Variants in PUM2 observed in about 807,000 individuals in gnomAD.
PUM2 encodes pumilio homolog 2.
PUM2 carries 57 observed loss-of-function variants against 124.5 expected under a neutral mutation model. That is an observed-to-expected ratio of 0.46 (90% CI 0.37 to 0.57). The LOEUF (loss-of-function observed/expected upper bound fraction) is 0.57, where lower values mean the gene tolerates loss of function less well. PUM2 is among the 20% of genes least tolerant of loss of function. PUM2 has a pLI of 0.00. For missense variants in PUM2, 1,065 were observed against 1,290.6 expected, an observed-to-expected ratio of 0.83 and a Z score of 2.68; for synonymous variants, 460 against 446.1, an observed-to-expected ratio of 1.03 and a Z score of -0.39.
intron 13 of PUM2, among the ~76,000 whole-genome samples, chr2:20,278,304 A>G (rs1572672956): frequency 6.6e-6 from 1 of 152,114 alleles, no homozygotes; most frequent in East Asian, 1.9e-4. Flanking sequence ...CAGATGCTCT[A>G]AAACACACAA....
intron 3 of PUM2, among the ~76,000 whole-genome samples, chr2:20,317,620 CAG>C (rs1681293950): frequency 6.6e-6 from 1 of 151,990 alleles, no homozygotes; most frequent in African/African-American, 2.4e-5. Flanking sequence ...ATTCATGTCA[CAG>C]GGGTTTGGTG....
At chr2:20,332,759 T>C (rs556818294) in intron 1 of PUM2, among the ~76,000 whole-genome samples, 15 of 152,308 alleles carry the variant, frequency 9.8e-5, no homozygotes, top group African/African-American at 3.6e-4. Context: ...TGATTAAATC[T>C]TAGGGAGGAA....
upstream of PUM2, among the ~76,000 whole-genome samples, chr2:20,351,155 C>A (rs1164214901): frequency 6.6e-6 from 1 of 152,204 alleles, no homozygotes; most frequent in Admixed American, 6.5e-5. Context: ...GGGGCCTCGC[C>A]TTCTGAATCT....
chr2:20,254,730 T>C (rs1393183981), intron 19 of PUM2, 133 bp downstream of exon 19: 27 of 935,226 alleles, frequency 2.9e-5, no homozygotes, highest in Non-Finnish European at 3.6e-5. Context: ...CAATGTTCTA[T>C]AGGTGCATTT....
intron 2 of PUM2, among the ~76,000 whole-genome samples, chr2:20,324,914 T>C (rs917040517): frequency 6.7e-6 from 1 of 149,388 alleles, no homozygotes; most frequent in African/African-American, 2.5e-5. Flanking sequence ...ACAAGGGTAA[T>C]CTATTTTAAA....
intron 1 of PUM2, among the ~76,000 whole-genome samples, chr2:20,346,900 G>C (rs990371076): frequency 6.6e-6 from 1 of 152,168 alleles, no homozygotes; most frequent in Non-Finnish European, 1.5e-5. Context: ...GCTCCAAATA[G>C]GTGATGACTA....
rs1666825672 is a variant in PUM2, at chr2:20,263,611, A to G, written c.1958-151T>C. 12 of 861,084 alleles carry G rather than the reference A, an allele frequency of 1.4e-5. No homozygotes were observed. The South Asian group carries it at 2.2e-4, about 16-fold the overall frequency. 53.3% of individuals were successfully genotyped at this position (861,084 alleles called of 1,614,324 possible). A position where few individuals can be genotyped will look rare whatever the true frequency, so the allele number is the denominator to read the frequency against. On this transcript the variant is annotated intron_variant, in intron 13 of 20. Coordinates refer to ENST00000361078, the MANE Select transcript of PUM2 (RefSeq NM_015317.5). ...CAGAAAATTAAAATTGGGAGGGGAA[A>G]ATCTCACCCATATACCTCATGTATG...
At chr2:20,265,919 C>G (rs1047933704) in intron 13 of PUM2, among the ~76,000 whole-genome samples, 4 of 152,132 alleles carry the variant, frequency 2.6e-5, no homozygotes, top group African/African-American at 9.7e-5. Flanking sequence ...CGTACTCACC[C>G]CAGGAAATGA....
intron 3 of PUM2, among the ~76,000 whole-genome samples, chr2:20,317,862 T>C (rs2148707479): frequency 6.6e-6 from 1 of 152,266 alleles, no homozygotes; most frequent in East Asian, 1.9e-4. Flanking sequence ...GCAAAGGACA[T>C]TATCTCAATC....
intron 3 of PUM2, among the ~76,000 whole-genome samples, chr2:20,313,114 G>C (rs976162112): frequency 6.6e-6 from 1 of 152,178 alleles, no homozygotes; most frequent in African/African-American, 2.4e-5. Flanking sequence ...AAAAACCCTA[G>C]AAGGAAACCT....
At chr2:20,276,824 G>A (rs1411932435) in intron 13 of PUM2, among the ~76,000 whole-genome samples, 1 of 152,018 alleles carries the variant, frequency 6.6e-6, no homozygotes, top group African/African-American at 2.4e-5. Flanking sequence ...ACAGGTAATT[G>A]CTAATTCCAA....
intron 7 of PUM2, among the ~76,000 whole-genome samples, chr2:20,302,112 T>G (rs981813457): frequency 1.3e-5 from 2 of 152,232 alleles, no homozygotes; most frequent in African/African-American, 4.8e-5. Flanking sequence ...CTCACTATGT[T>G]GCAGAGTTCA....
rs1388557476 is a variant in PUM2, at chr2:20,281,374, A to C, written c.1720+1573T>G. Among the ~76,000 whole-genome samples the C allele has an allele frequency of 2.6e-5, 4 of 152,186 alleles. No homozygotes were observed. In the East Asian group the frequency reaches 7.7e-4, roughly 29 times the overall value. ...GGGAAAACAGCCTTAACTAAGAAACAAATGGAAATTTGAAAGAATTGAGTA... is the reference window on the plus strand; with the variant it reads ...GGGAAAACAGCCTTAACTAAGAAACCAATGGAAATTTGAAAGAATTGAGTA... On this transcript the variant is annotated intron_variant, in intron 12 of 20. Transcript: ENST00000361078.
intron 12 of PUM2, among the ~76,000 whole-genome samples, chr2:20,279,729 A>T (rs1671068421): frequency 6.6e-6 from 1 of 152,172 alleles, no homozygotes; most frequent in South Asian, 2.1e-4. Context: ...GGTGAGCTAT[A>T]CATGCTCAGA....
chr2:20,263,495 T>C, intron 13 of PUM2, 35 bp from the exon 14 acceptor site: 1 of 1,557,958 alleles, frequency 6.4e-7, no homozygotes, highest in East Asian at 2.3e-5. Flanking sequence ...CAAGTATTTT[T>C]GACAAAGTTA....
chr2:20,267,995 T>C (rs1668103338), intron 13 of PUM2, among the ~76,000 whole-genome samples: 1 of 152,106 alleles, frequency 6.6e-6, no homozygotes, highest in Non-Finnish European at 1.5e-5. Context: ...GCAGAATCTG[T>C]GGAGATAAAG....
intron 10 of PUM2, among the ~76,000 whole-genome samples, chr2:20,287,286 T>C (rs1162369675): frequency 6.6e-6 from 1 of 151,992 alleles, no homozygotes; most frequent in Non-Finnish European, 1.5e-5. Flanking sequence ...CACACAGAAG[T>C]ACTAAAAGAA....
chr2:20,302,963 C>T (rs1348085256), intron 7 of PUM2, among the ~76,000 whole-genome samples: 4 of 152,238 alleles, frequency 2.6e-5, no homozygotes, highest in Non-Finnish European at 4.4e-5. Context: ...GCAATTTGCA[C>T]ATGCGACCCA....
intron 3 of PUM2, among the ~76,000 whole-genome samples, chr2:20,317,428 T>C (rs1681228994): frequency 6.6e-6 from 1 of 152,190 alleles, no homozygotes; most frequent in South Asian, 2.1e-4. Context: ...AAATATCTAA[T>C]AAAGCTAGGC....
Sources: allele counts gnomAD v4.1 joint callset (sites outside exome capture counted in the v4.1 genomes callset), GRCh38; gene constraint gnomAD v4.1.1; transcripts MANE v1.5; gene names NCBI Gene and HGNC (gene_info 2026-07-23, HGNC 2026-07-21).